The following PHF14 variants were observed in gnomAD, a reference collection of about 807,000 sequenced individuals.
The protein encoded by PHF14 is PHD finger protein 14.
Under a neutral mutation model 117.9 loss-of-function variants are expected in PHF14, and 55 were observed. The observed-to-expected ratio is 0.47, with a 90% CI of 0.38 to 0.58. The LOEUF (loss-of-function observed/expected upper bound fraction) is 0.58, where lower values mean the gene tolerates loss of function less well. Ranked by LOEUF, PHF14 falls within the 20% of genes least tolerant of loss-of-function variation. The pLI, the probability that PHF14 is intolerant of heterozygous loss-of-function variation, is 0.00. For missense variants in PHF14, 978 were observed against 1,122.2 expected (o/e 0.87, Z 1.84); for synonymous variants, 409 against 368.6 (o/e 1.11, Z -1.26).
At position 11,032,146 on chromosome 7, in the gene PHF14, T is replaced by G. The variant is rs148226472; in HGVS notation, c.1455+3328T>G. The stretch of plus-strand genomic sequence containing the variant: ...CAGGTGTGGTGGTGTGTGCCTATAG[T>G]CCTAACTGCTCAGGAGGCTGAGGTG... On this transcript the variant is annotated intron_variant, in intron 7 of 17. Coordinates refer to ENST00000634607, the MANE Select transcript of PHF14 (RefSeq NM_001007157.2). 1.2e-4 allele frequency among the ~76,000 whole-genome samples: 19 copies of G among 152,210 alleles called. 1 individual carries two copies. Among genetic ancestry groups the G allele is most frequent in the African/African-American group, 4.6e-4 (19 of 41,536 alleles).
At chr7:10,985,372 G>A (rs1782180893) in intron 3 of PHF14, among the ~76,000 whole-genome samples, 1 of 152,040 alleles carries the variant, frequency 6.6e-6, no homozygotes, top group African/African-American at 2.4e-5. Flanking sequence ...AGGTGAAAAT[G>A]TAGCTTTAGA....
intron 16 of PHF14, chr7:11,109,593 C>A (rs1460202144): frequency 1.3e-5 from 2 of 151,646 alleles, no homozygotes; most frequent in African/African-American, 4.8e-5. Context: ...TAGGTTTAAT[C>A]GAAATTTTGG....
At chr7:11,097,297 C>T (rs1009590183) in intron 16 of PHF14, among the ~76,000 whole-genome samples, 5 of 152,014 alleles carry the variant, frequency 3.3e-5, no homozygotes, top group African/African-American at 7.2e-5. Context: ...AACTTTTTAA[C>T]GTATTTTATT....
chr7:11,077,458 G>A (rs1021703983), intron 16 of PHF14, among the ~76,000 whole-genome samples: 5 of 151,756 alleles, frequency 3.3e-5, no homozygotes, highest in East Asian at 1.9e-4. Context: ...AAAATTAGCC[G>A]GGTGTGGTGG....
chr7:11,068,911 A>T (rs2128332159), intron 16 of PHF14, among the ~76,000 whole-genome samples: 1 of 152,216 alleles, frequency 6.6e-6, no homozygotes, highest in African/African-American at 2.4e-5. Context: ...TCACTGATGT[A>T]GTTTCGACTT....
intron 4 of PHF14, among the ~76,000 whole-genome samples, chr7:11,004,745 G>T (rs1016909681): frequency 6.6e-6 from 1 of 150,664 alleles, no homozygotes; most frequent in African/African-American, 2.5e-5. Context: ...ATCAAAAGAC[G>T]TATAATGTGG....
At chr7:11,035,236 A>G (rs1784280185) in intron 7 of PHF14, among the ~76,000 whole-genome samples, 1 of 152,176 alleles carries the variant, frequency 6.6e-6, no homozygotes, top group Admixed American at 6.5e-5. Context: ...AATATGTGGG[A>G]GAATGCATGT....
intron 17 of PHF14, among the ~76,000 whole-genome samples, chr7:11,165,369 G>A (rs754911991): frequency 6.6e-6 from 1 of 152,122 alleles, no homozygotes; most frequent in Non-Finnish European, 1.5e-5. Flanking sequence ...GTATCAGGGT[G>A]TTAATATATA....
intron 4 of PHF14, among the ~76,000 whole-genome samples, chr7:10,996,845 A>G (rs1421347584): frequency 6.6e-6 from 1 of 152,216 alleles, no homozygotes; most frequent in Non-Finnish European, 1.5e-5. Context: ...CCAGGGCCAA[A>G]GATAGGCACA....
At chr7:11,156,072 T>G (rs1464327996) in intron 17 of PHF14, among the ~76,000 whole-genome samples, 4 of 152,220 alleles carry the variant, frequency 2.6e-5, no homozygotes, top group African/African-American at 9.6e-5. Context: ...GCCTGTTTTG[T>G]GAATCATTTA....
chr7:11,084,495 GTTT>G (rs11291559), intron 16 of PHF14, among the ~76,000 whole-genome samples: 3 of 141,426 alleles, frequency 2.1e-5, no homozygotes, highest in Non-Finnish European at 3.1e-5. Flanking sequence ...TTACTCTTGT[GTTT>G]TTTTTTTTTT....
intron 16 of PHF14, among the ~76,000 whole-genome samples, chr7:11,071,949 C>G (rs950911772): frequency 2.6e-4 from 39 of 152,146 alleles, no homozygotes; most frequent in African/African-American, 9.2e-4. Context: ...GATTCTATTA[C>G]ATTTCAAAGT....
At chr7:10,988,369 A>T (rs1782307860) in intron 3 of PHF14, among the ~76,000 whole-genome samples, 1 of 152,166 alleles carries the variant, frequency 6.6e-6, no homozygotes, top group Non-Finnish European at 1.5e-5. Context: ...ATTTTGATAC[A>T]ACTTTTTCTG....
At chr7:11,100,851 A>G (rs1787060701) in intron 16 of PHF14, among the ~76,000 whole-genome samples, 1 of 152,000 alleles carries the variant, frequency 6.6e-6, no homozygotes, top group Non-Finnish European at 1.5e-5. Flanking sequence ...TCACCGCACT[A>G]CACTGCTTTA....
chr7:11,035,538 T>C (rs1187310983), intron 7 of PHF14, 102 bp from the exon 8 acceptor site: 1 of 618,246 alleles, frequency 1.6e-6, no homozygotes, highest in East Asian at 3.0e-5. Context: ...TAACTAGCAC[T>C]AGTAGATTCT....
chr7:11,157,935 GTTTGTCTGGT>G (rs962246879), intron 17 of PHF14, among the ~76,000 whole-genome samples: 1 of 152,100 alleles, frequency 6.6e-6, no homozygotes, highest in Non-Finnish European at 1.5e-5. Flanking sequence ...AAAATTAGAT[GTTTGTCTGGT>G]TTTATTTTTT....
intron 17 of PHF14, among the ~76,000 whole-genome samples, chr7:11,160,301 C>G (rs995223287): frequency 1.3e-5 from 2 of 152,172 alleles, no homozygotes; most frequent in Non-Finnish European, 1.5e-5. Context: ...ATCCAGTCCA[C>G]CATTAATGGG....
At chr7:11,037,117 A>G (rs201633412) in intron 10 of PHF14, 26 bp downstream of exon 10, 7 of 1,460,296 alleles carry the variant, frequency 4.8e-6, no homozygotes, top group East Asian at 5.0e-5. Flanking sequence ...AATATGCAAC[A>G]TAATGTGATA....
intron 16 of PHF14, among the ~76,000 whole-genome samples, chr7:11,095,074 T>C (rs1387592996): frequency 6.6e-6 from 1 of 152,142 alleles, no homozygotes; most frequent in Non-Finnish European, 1.5e-5. Flanking sequence ...ATCACTACCT[T>C]CAGCTTTATA....
Sources: allele counts gnomAD v4.1 joint callset (sites outside exome capture counted in the v4.1 genomes callset), GRCh38; gene constraint gnomAD v4.1.1; transcripts MANE v1.5; gene names NCBI Gene and HGNC (gene_info 2026-07-23, HGNC 2026-07-21).